IFFO2: variants seen among roughly 807,000 people sequenced by gnomAD.
The protein encoded by IFFO2 is intermediate filament family orphan 2.
IFFO2 carries 19 observed loss-of-function variants against 53.5 expected under a neutral mutation model. That is an observed-to-expected ratio of 0.36 (90% CI 0.25 to 0.52). The LOEUF is 0.52. Among genes scored for constraint, IFFO2 ranks in the 20% least tolerant of loss-of-function variants. The pLI, the probability that IFFO2 is intolerant of heterozygous loss-of-function variation, is 0.94. For synonymous variants in IFFO2, 303 were observed against 313.6 expected (o/e 0.97, Z 0.36); for missense variants, 570 against 727.4 (o/e 0.78, Z 2.49).
chr1:18,956,357 C>A lies in IFFO2; in HGVS notation c.-25G>T. 4.2e-6 allele frequency: 1 copy of A among 240,276 alleles called. No individual in the cohort carries two copies. The highest frequency in any genetic ancestry group is 7.2e-6 in the Non-Finnish European group (1 of 139,534). 14.9% of individuals were successfully genotyped at this position (240,276 alleles called of 1,614,324 possible). A position where few individuals can be genotyped will look rare whatever the true frequency, so the allele number is the denominator to read the frequency against. ...TGCGCCGGCTGCGCGGCTCAGGGCC[C>A]CGGGCCCGCGGCTCCAGGTGCGGCT... On this transcript the variant is annotated 5_prime_UTR_variant, in exon 1 of 9. Coordinates refer to ENST00000455833, the MANE Select transcript of IFFO2 (RefSeq NM_001136265.2). The surrounding 1 kb of genome is among the most constrained non-coding windows in gnomAD (Gnocchi z 6.4).
Position 18,925,837 on chromosome 1 carries a change from T to C in IFFO2, c.666-4716A>G, listed in dbSNP as rs1569847144. 9.3e-5 allele frequency among the ~76,000 whole-genome samples: 7 copies of C among 75,082 alleles called. No homozygotes were observed. The South Asian group carries it at 4.2e-3, about 45-fold the overall frequency. 49.3% of individuals were successfully genotyped at this position (75,082 alleles called of 152,430 possible). Reference sequence around the variant, plus strand: ...ATGGATGGATGGATGGATGGATGGATGGATGGATGGATGGATTGGTTGGAT... The same window carrying C: ...ATGGATGGATGGATGGATGGATGGACGGATGGATGGATGGATTGGTTGGAT... On this transcript the variant is annotated intron_variant, in intron 1 of 8. Coordinates refer to ENST00000455833, the MANE Select transcript of IFFO2 (RefSeq NM_001136265.2).
chr1:18,950,974 TGG>T (rs1270430421), intron 1 of IFFO2, among the ~76,000 whole-genome samples: 1 of 152,180 alleles, frequency 6.6e-6, no homozygotes, highest in Non-Finnish European at 1.5e-5. Context: ...CCTCGACTGC[TGG>T]CGGATGATGC....
intron 1 of IFFO2, among the ~76,000 whole-genome samples, chr1:18,933,109 T>C (rs1184342859): frequency 6.6e-6 from 1 of 152,078 alleles, no homozygotes; most frequent in African/African-American, 2.4e-5. Context: ...GGATTAAGAG[T>C]ATTCTCTTCC....
chr1:18,935,700 C>CT (rs71763185), intron 1 of IFFO2, among the ~76,000 whole-genome samples: 2,907 of 139,276 alleles, frequency 0.021, 69 homozygotes, highest in East Asian at 0.11. Context: ...CTCCTTCTGT[C>CT]TTTTTTTTTT....
In IFFO2 at chr1:18,928,966, T is replaced by C. The variant is rs59395386; in HGVS notation, c.666-7845A>G. The stretch of plus-strand genomic sequence containing the variant: ...CCTGCACTCAACAGCAGACACCCGC[T>C]GGGTGCCCTCTCCCAGAAGAAGCAG... On this transcript the variant is annotated intron_variant, in intron 1 of 8. Coordinates refer to ENST00000455833, the MANE Select transcript of IFFO2 (RefSeq NM_001136265.2). This position sits in a 1 kb window ranked among gnomAD's most constrained non-coding sequence, Gnocchi z 4.9. Among the ~76,000 whole-genome samples the C allele has an allele frequency of 0.11, 16,669 of 152,260 alleles. 1,244 individuals carry two copies. Among genetic ancestry groups the C allele is most frequent in the African/African-American group, 0.21 (8,530 of 41,520 alleles).
Position 18,918,854 on chromosome 1 carries a change from C to A in IFFO2, c.823-352G>T, listed in dbSNP as rs771141592. The stretch of plus-strand genomic sequence containing the variant: ...GACAGCCCTTCTTTTCCCACCGGCA[C>A]ACCCCACCTGTCCCCCACACAGGCA... On this transcript the variant is annotated intron_variant, in intron 3 of 8. Transcript: ENST00000455833. This position sits in a 1 kb window ranked among gnomAD's most constrained non-coding sequence, Gnocchi z 5.2. Among the ~76,000 whole-genome samples, 23 of 152,144 alleles carry A rather than the reference C, an allele frequency of 1.5e-4. No homozygotes were observed. The highest frequency in any genetic ancestry group is 4.1e-4 in the South Asian group (2 of 4,830).
chr1:18,934,754 G>A (rs966030219), intron 1 of IFFO2, among the ~76,000 whole-genome samples: 6 of 152,206 alleles, frequency 3.9e-5, no homozygotes, highest in Non-Finnish European at 8.8e-5. Flanking sequence ...AACGGGATGC[G>A]ACCATATGTG....
intron 1 of IFFO2, among the ~76,000 whole-genome samples, chr1:18,948,360 A>T (rs1936616811): frequency 6.6e-6 from 1 of 152,230 alleles, no homozygotes; most frequent in Non-Finnish European, 1.5e-5. Context: ...TAGTCTTCAT[A>T]GGGTTGCTGG....
At chr1:18,909,882 G>A (rs1333079953) in intron 8 of IFFO2, among the ~76,000 whole-genome samples, 1 of 152,126 alleles carries the variant, frequency 6.6e-6, no homozygotes, top group Non-Finnish European at 1.5e-5. Flanking sequence ...ACAGGTGTGA[G>A]CCACCACGCC....
chr1:18,955,624 TGGGCGCCCCGTCCCA>T (rs1557652670), intron 1 of IFFO2, 29 bp downstream of exon 1: 1 of 1,523,344 alleles, frequency 6.6e-7, no homozygotes, highest in Admixed American at 2.0e-5. Context: ...AGCCTGGACC[TGGGCGCCCCGTCCCA>T]GGGCGGCGGG....
At chr1:18,931,908 A>G (rs1360212844) in intron 1 of IFFO2, among the ~76,000 whole-genome samples, 3 of 152,248 alleles carry the variant, frequency 2.0e-5, no homozygotes, top group Non-Finnish European at 4.4e-5. Flanking sequence ...ACAGATGTGT[A>G]CACATGGGGT....
At position 18,916,765 on chromosome 1, in the gene IFFO2, CCT is replaced by C. The variant is rs1461460708; in HGVS notation, c.1103+136_1103+137del. ...TCCAGCCTGGGTGACAAAGTGAGAC[CCT>C]GTCTCAAAAAAAAAAAGGAAATGAA... On this transcript the variant is annotated intron_variant, in intron 5 of 8. Transcript: ENST00000455833. This position sits in a 1 kb window ranked among gnomAD's most constrained non-coding sequence, Gnocchi z 4.3. 9.0e-7 allele frequency: 1 copy of C among 1,108,868 alleles called. No individual in the cohort carries two copies. Among genetic ancestry groups the C allele is most frequent in the African/African-American group, 1.6e-5 (1 of 62,900 alleles). The allele number at this position is 1,108,868 out of a possible 1,614,324, so 68.7% of individuals were successfully genotyped here.
intron 1 of IFFO2, among the ~76,000 whole-genome samples, chr1:18,929,398 G>A (rs1403417486): frequency 2.0e-5 from 3 of 152,318 alleles, no homozygotes; most frequent in East Asian, 1.9e-4. Context: ...CCTCAGCAAG[G>A]ACACTTCTCC....
In IFFO2 at chr1:18,918,651, T is replaced by A. The variant is rs569328869; in HGVS notation, c.823-149A>T. ...GGGTGCCTTGGGCTTTTCCGTGGAGTGGAGGGCTGCGGCGGCACTGGTCAG... is the reference window on the plus strand; with the variant it reads ...GGGTGCCTTGGGCTTTTCCGTGGAGAGGAGGGCTGCGGCGGCACTGGTCAG... On this transcript the variant is annotated intron_variant, in intron 3 of 8. Transcript: ENST00000455833. This position sits in a 1 kb window ranked among gnomAD's most constrained non-coding sequence, Gnocchi z 5.2. 3 of 446,000 alleles carry A rather than the reference T, an allele frequency of 6.7e-6. No homozygotes were observed. The African/African-American group carries it at 6.8e-5, about 10-fold the overall frequency. 27.6% of individuals were successfully genotyped at this position (446,000 alleles called of 1,614,324 possible). A position where few individuals can be genotyped will look rare whatever the true frequency, so the allele number is the denominator to read the frequency against.
Position 18,917,883 on chromosome 1 carries a change from T to C in IFFO2, c.963+479A>G, listed in dbSNP as rs1241853783. Among the ~76,000 whole-genome samples, 1 of 151,956 alleles carries C rather than the reference T, an allele frequency of 6.6e-6. No individual in the cohort carries two copies. The highest frequency in any genetic ancestry group is 2.4e-5 in the African/African-American group (1 of 41,372). On this transcript the variant is annotated intron_variant, in intron 4 of 8. Coordinates refer to ENST00000455833, the MANE Select transcript of IFFO2 (RefSeq NM_001136265.2). This position sits in a 1 kb window ranked among gnomAD's most constrained non-coding sequence, Gnocchi z 5.9. Reference sequence around the variant, plus strand: ...CTCTTTGGGGTGGAATGAAAAATAGTCAAAGGCCAACAGCTCCTCTTCTGA... The same window carrying C: ...CTCTTTGGGGTGGAATGAAAAATAGCCAAAGGCCAACAGCTCCTCTTCTGA...
At chr1:18,951,238 C>T (rs1388335217) in intron 1 of IFFO2, among the ~76,000 whole-genome samples, 2 of 152,186 alleles carry the variant, frequency 1.3e-5, no homozygotes, top group African/African-American at 4.8e-5. Flanking sequence ...CTCAGGTACT[C>T]AGCCTCCCAC....
Position 18,917,820 on chromosome 1 carries a change from C to T in IFFO2, c.963+542G>A, listed in dbSNP as rs750658322. Among the ~76,000 whole-genome samples the T allele has an allele frequency of 3.3e-5, 5 of 152,158 alleles. No homozygotes were observed. The highest frequency in any genetic ancestry group is 7.3e-5 in the Non-Finnish European group (5 of 68,042). On this transcript the variant is annotated intron_variant, in intron 4 of 8. Transcript: ENST00000455833. This position sits in a 1 kb window ranked among gnomAD's most constrained non-coding sequence, Gnocchi z 5.9. Reference sequence around the variant, plus strand: ...ACCTGATCGCCGTCTCTCGGGGGCACCCACACTTGCACGTTAGGTCGGGGG... The same window carrying T: ...ACCTGATCGCCGTCTCTCGGGGGCATCCACACTTGCACGTTAGGTCGGGGG...
intron 1 of IFFO2, among the ~76,000 whole-genome samples, chr1:18,935,413 C>G (rs1210697024): frequency 1.3e-5 from 2 of 151,956 alleles, no homozygotes; most frequent in African/African-American, 4.8e-5. Flanking sequence ...ACACCTCCAG[C>G]CCCCCTGTGC....
In IFFO2 at chr1:18,916,725, C is replaced by T. The variant is rs145614819; in HGVS notation, c.1103+178G>A. ...AGGCTGCAGTGAGCTGTGACCATGC[C>T]GCCGCACTCCAGCCTCCAGCCTGGG... is the stretch of plus-strand genomic sequence containing the variant. On this transcript the variant is annotated intron_variant, in intron 5 of 8. Transcript: ENST00000455833. This position sits in a 1 kb window ranked among gnomAD's most constrained non-coding sequence, Gnocchi z 4.3. Among the ~76,000 whole-genome samples, 71 of 152,030 alleles carry T rather than the reference C, an allele frequency of 4.7e-4. 2 individuals are homozygous for T. The East Asian group carries it at 0.013, about 29-fold the overall frequency.
Sources: allele counts gnomAD v4.1 joint callset (sites outside exome capture counted in the v4.1 genomes callset), GRCh38; gene constraint gnomAD v4.1.1; non-coding constraint Gnocchi (gnomAD v3.1); transcripts MANE v1.5; gene names NCBI Gene and HGNC (gene_info 2026-07-23, HGNC 2026-07-21).